Variants in ZBTB38 observed in about 807,000 individuals in gnomAD.
The protein encoded by ZBTB38 is zinc finger and BTB domain-containing protein 38.
A neutral mutation model predicts 76.8 loss-of-function variants in ZBTB38; 20 were observed. The ratio of observed to expected loss-of-function variants is 0.26; its 90% CI spans 0.18 to 0.38. The LOEUF is 0.38. ZBTB38 is among the 10% of genes least tolerant of loss of function. The pLI, the probability that ZBTB38 is intolerant of heterozygous loss-of-function variation, is 1.00. For synonymous variants in ZBTB38, 504 were observed against 544.2 expected (o/e 0.93, Z 1.03); for missense variants, 1,082 against 1,482.3 (o/e 0.73, Z 4.43).
At chr3:141,408,254 A>G (rs898558891) in intron 5 of ZBTB38, among the ~76,000 whole-genome samples, 19 of 152,234 alleles carry the variant, frequency 1.2e-4, no homozygotes, top group Non-Finnish European at 2.6e-4. Flanking sequence ...TTATAGATGA[A>G]AAAATCATTT....
At chr3:141,434,729 A>G (rs779841925) in intron 5 of ZBTB38, among the ~76,000 whole-genome samples, 4 of 152,088 alleles carry the variant, frequency 2.6e-5, no homozygotes, top group Admixed American at 6.5e-5. Flanking sequence ...ATTATAAAAT[A>G]TGTTTATCAG....
chr3:141,385,248 G>C (rs1946797210), intron 3 of ZBTB38, among the ~76,000 whole-genome samples: 1 of 147,786 alleles, frequency 6.8e-6, no homozygotes. Flanking sequence ...GACTTTTGGA[G>C]AGATAAGAAG....
At chr3:141,358,444 C>T (rs1943727072) in intron 1 of ZBTB38, among the ~76,000 whole-genome samples, 1 of 152,116 alleles carries the variant, frequency 6.6e-6, no homozygotes, top group African/African-American at 2.4e-5. Flanking sequence ...AGTTTGAGGC[C>T]AGAGGGTGGA....
chr3:141,437,822 A>G (rs967320122), intron 5 of ZBTB38, among the ~76,000 whole-genome samples: 8 of 152,192 alleles, frequency 5.3e-5, no homozygotes, highest in African/African-American at 1.7e-4. Context: ...TTAGGAACCA[A>G]TGTCTCAAAG....
upstream of ZBTB38, among the ~76,000 whole-genome samples, chr3:141,364,643 C>T (rs6800255): frequency 0.12 from 16,208 of 129,846 alleles, 3,056 homozygotes; most frequent in African/African-American, 0.42. Context: ...TGCCATTGCA[C>T]TCCAGCTGAG....
chr3:141,429,585 T>G (rs2077053450), intron 5 of ZBTB38, among the ~76,000 whole-genome samples: 1 of 152,160 alleles, frequency 6.6e-6, no homozygotes, highest in South Asian at 2.1e-4. Context: ...GAGAAGCAGC[T>G]CCTCCTGGAG....
chr3:141,376,454 C>T (rs542363633), intron 2 of ZBTB38, among the ~76,000 whole-genome samples: 3 of 152,324 alleles, frequency 2.0e-5, no homozygotes, highest in Admixed American at 1.3e-4. Flanking sequence ...GATCACTACT[C>T]TCCTGATTCT....
intron 2 of ZBTB38, among the ~76,000 whole-genome samples, chr3:141,371,816 C>A (rs1282532588): frequency 2.0e-5 from 3 of 152,190 alleles, no homozygotes; most frequent in Non-Finnish European, 2.9e-5. Context: ...ATAAGTTTAA[C>A]ATTTTATGTA....
At chr3:141,361,298 T>G (rs1185606471) in intron 1 of ZBTB38, among the ~76,000 whole-genome samples, 2 of 152,072 alleles carry the variant, frequency 1.3e-5, no homozygotes, top group African/African-American at 4.8e-5. Flanking sequence ...GGTAGTCAGA[T>G]GAATCATGCC....
In ZBTB38 at chr3:141,446,058, T is replaced by C. The variant is rs2081069631; in HGVS notation, c.*82T>C. 2 of 1,276,100 alleles carry C rather than the reference T, an allele frequency of 1.6e-6. No individual in the cohort carries two copies. The highest frequency in any genetic ancestry group is 1.6e-5 in the South Asian group (1 of 62,130). 79.0% of individuals were successfully genotyped at this position (1,276,100 alleles called of 1,614,324 possible). A position where few individuals can be genotyped will look rare whatever the true frequency, so the allele number is the denominator to read the frequency against. On this transcript the variant is annotated 3_prime_UTR_variant, in exon 6 of 6. Coordinates refer to ENST00000321464, the MANE Select transcript of ZBTB38 (RefSeq NM_001376113.1). ...TTTAAGTTTAGTTTCATTTTGTCCA[T>C]GTGACAGTCATGAAGGAGTGAAATT... is the stretch of plus-strand genomic sequence containing the variant.
chr3:141,383,931 T>C (rs550581984), intron 3 of ZBTB38, among the ~76,000 whole-genome samples: 4 of 152,348 alleles, frequency 2.6e-5, no homozygotes, highest in South Asian at 2.1e-4. Context: ...TTTTAAATCA[T>C]AAGTGAATGC....
chr3:141,390,807 A>G (rs549346276), intron 4 of ZBTB38, among the ~76,000 whole-genome samples: 1 of 152,322 alleles, frequency 6.6e-6, no homozygotes, highest in Non-Finnish European at 1.5e-5. Flanking sequence ...GGAATAAGCA[A>G]AAATATAGAT....
chr3:141,351,124 T>C (rs1943501640), intron 1 of ZBTB38, among the ~76,000 whole-genome samples: 2 of 152,216 alleles, frequency 1.3e-5, no homozygotes, highest in African/African-American at 4.8e-5. Context: ...GGTTGTGTTA[T>C]CTCTAGGTCA....
intron 3 of ZBTB38, among the ~76,000 whole-genome samples, chr3:141,381,821 A>G (rs760378618): frequency 2.0e-5 from 3 of 152,198 alleles, no homozygotes; most frequent in Non-Finnish European, 4.4e-5. Flanking sequence ...CTAGAAAACA[A>G]GCTGGGCTTG....
intron 5 of ZBTB38, among the ~76,000 whole-genome samples, chr3:141,407,017 A>T (rs1954758694): frequency 6.6e-6 from 1 of 152,214 alleles, no homozygotes; most frequent in African/African-American, 2.4e-5. Context: ...GTCCCAAAAC[A>T]CATTTCTGAT....
upstream of ZBTB38, chr3:141,366,592 C>T (rs1943975884): frequency 6.6e-6 from 1 of 152,210 alleles, no homozygotes; most frequent in Non-Finnish European, 1.5e-5. Flanking sequence ...GGAACAAGTG[C>T]AATTCCTCAG....
intron 1 of ZBTB38, among the ~76,000 whole-genome samples, chr3:141,342,473 G>GT (rs768886080): frequency 6.6e-6 from 1 of 150,622 alleles, no homozygotes; most frequent in Non-Finnish European, 1.5e-5. Context: ...ATTCTCTCTA[G>GT]TTTTTTGTCC....
intron 2 of ZBTB38, among the ~76,000 whole-genome samples, chr3:141,372,566 T>C (rs1015351438): frequency 2.0e-5 from 3 of 150,656 alleles, no homozygotes; most frequent in Non-Finnish European, 4.4e-5. Context: ...GCAGGGGAAT[T>C]GCTTGAACCT....
At chr3:141,345,474 G>A (rs1056006548) in intron 1 of ZBTB38, among the ~76,000 whole-genome samples, 12 of 152,128 alleles carry the variant, frequency 7.9e-5, no homozygotes, top group Non-Finnish European at 1.8e-4. Context: ...TGCTCGGCCT[G>A]CAGCTCATTC....
Sources: gnomAD v4.1 joint callset for allele counts (sites outside exome capture counted in the v4.1 genomes callset) on GRCh38, gnomAD v4.1.1 for gene constraint, MANE v1.5 for transcripts, NCBI Gene and HGNC (gene_info 2026-07-23, HGNC 2026-07-21) for gene names.